CYP27C1: variants seen among roughly 807,000 people sequenced by gnomAD.
CYP27C1 encodes cytochrome P450 27C1.
Under a neutral mutation model 40.6 loss-of-function variants are expected in CYP27C1, and 29 were observed. The ratio of observed to expected loss-of-function variants is 0.71; its 90% CI spans 0.53 to 0.97. CYP27C1 has a LOEUF of 0.97. Among genes scored for constraint, CYP27C1 ranks in the 50% least tolerant of loss-of-function variants. The pLI, the probability that CYP27C1 is intolerant of heterozygous loss-of-function variation, is 0.00. For missense variants in CYP27C1, 390 were observed against 485.8 expected, an observed-to-expected ratio of 0.80 and a Z score of 1.85; for synonymous variants, 198 against 186.8, an observed-to-expected ratio of 1.06 and a Z score of -0.49.
At chr2:127,190,894 C>T (rs1437652353) in intron 8 of CYP27C1, among the ~76,000 whole-genome samples, 3 of 146,934 alleles carry the variant, frequency 2.0e-5, no homozygotes, top group Non-Finnish European at 4.5e-5. Flanking sequence ...TGCAGCGACC[C>T]GAGATTGCGC....
chr2:127,207,717 T>G (rs1366534008), intron 1 of CYP27C1, among the ~76,000 whole-genome samples: 1 of 151,868 alleles, frequency 6.6e-6, no homozygotes, highest in Non-Finnish European at 1.5e-5. Context: ...ACAGGAGAAG[T>G]GTAAAACCTA....
chr2:127,213,588 G>A (rs1179550461), intron 1 of CYP27C1, among the ~76,000 whole-genome samples: 2 of 152,140 alleles, frequency 1.3e-5, no homozygotes, highest in Non-Finnish European at 2.9e-5. Context: ...TTCAGTATAT[G>A]GTGCTGGGAA....
chr2:127,187,747 G>A (rs1682663875), intron 8 of CYP27C1, among the ~76,000 whole-genome samples: 1 of 152,196 alleles, frequency 6.6e-6, no homozygotes, highest in Admixed American at 6.5e-5. Context: ...GGAGCAGGGG[G>A]AAATGCGGAA....
At chr2:127,214,389 A>G (rs1683387515) in intron 1 of CYP27C1, among the ~76,000 whole-genome samples, 1 of 152,190 alleles carries the variant, frequency 6.6e-6, no homozygotes, top group Admixed American at 6.5e-5. Flanking sequence ...CAGCAGCGCT[A>G]TTTACAGTAG....
chr2:127,202,171 C>T (rs1683049121), intron 3 of CYP27C1, among the ~76,000 whole-genome samples: 1 of 149,526 alleles, frequency 6.7e-6, no homozygotes, highest in African/African-American at 2.5e-5. Flanking sequence ...GTCACCCATG[C>T]TGGAGTACAA....
intron 8 of CYP27C1, among the ~76,000 whole-genome samples, chr2:127,190,144 T>C (rs1384317154): frequency 6.6e-6 from 1 of 152,190 alleles, no homozygotes; most frequent in Non-Finnish European, 1.5e-5. Flanking sequence ...ATATCTTAGG[T>C]CTGTTCTCTT....
chr2:127,204,440 A>AAAAAAGAAAGAAAG (rs1268658274), intron 2 of CYP27C1, among the ~76,000 whole-genome samples: 1 of 41,284 alleles, frequency 2.4e-5, no homozygotes, highest in African/African-American at 7.7e-5. Context: ...GAAAGAAAGA[A>AAAAAAGAAAGAAAG]AAAGAAAGAA....
rs1015338845 is a variant in CYP27C1, at chr2:127,220,238, C to T, written c.33G>A (p.Gly11=). MALLARILRA[G]LRPAPERGGL... ...CACCCCGCTCGGGCGCCGGCCGCAG[C>T]CCGGCTCTCAGGATCCGCGCCAGCA... The change falls in exon 1 of 9, where the codon GGG becomes GGA. Residue 11 remains glycine (G), a synonymous_variant. Transcript: ENST00000664447. This position sits in a 1 kb window ranked among gnomAD's most constrained non-coding sequence, Gnocchi z 4.6. 4.0e-5 allele frequency among the ~76,000 whole-genome samples: 6 copies of T among 151,530 alleles called. No homozygotes were observed. Among genetic ancestry groups the T allele is most frequent in the African/African-American group, 1.5e-4 (6 of 41,368 alleles).
chr2:127,203,345 C>T, intron 3 of CYP27C1, 27 bp downstream of exon 3: 1 of 1,605,776 alleles, frequency 6.2e-7, no homozygotes, highest in Non-Finnish European at 8.5e-7. Context: ...ATTCTTCCCT[C>T]CTTCCCACCT....
chr2:127,199,498 G>A lies in CYP27C1; in HGVS notation c.925C>T (p.Gln309Ter), dbSNP rs753282445. 6.2e-7 allele frequency: 1 copy of A among 1,614,158 alleles called. No homozygotes were observed. Residue 309 changes from glutamine to a stop codon, truncating the protein, a stop_gained, in exon 5 of 9, where the codon CAA becomes TAA. Transcript: ENST00000664447. LOFTEE classifies it high-confidence loss of function. Reference sequence around the variant, plus strand: ...CTCACCCTCCGGCCTCGGTCCATTTGGTACTGTATGTCCCTCAACTTGTTG... The same window carrying A: ...CTCACCCTCCGGCCTCGGTCCATTTAGTACTGTATGTCCCTCAACTTGTTG... ...VDNKLRDIQY[Q>*]MDRGRRVSGG...
At chr2:127,192,076 C>T (rs1682788637) in intron 8 of CYP27C1, among the ~76,000 whole-genome samples, 1 of 152,236 alleles carries the variant, frequency 6.6e-6, no homozygotes, top group Admixed American at 6.5e-5. Flanking sequence ...TGGTCCCTTA[C>T]TCTCCCTTCT....
rs1359497775 is a variant in CYP27C1 at position 127,184,023 on chromosome 2, G to A, written c.*3248C>T. 6.6e-6 allele frequency: 1 copy of A among 152,270 alleles called. No homozygotes were observed. Among genetic ancestry groups the A allele is most frequent in the African/African-American group, 2.4e-5 (1 of 41,400 alleles). The allele number at this position is 152,270 out of a possible 1,614,324, so 9.4% of individuals were successfully genotyped here. On this transcript the variant is annotated 3_prime_UTR_variant, in exon 9 of 9. Transcript: ENST00000664447. The stretch of plus-strand genomic sequence containing the variant: ...CAATACCCACCTCCTGCAGCAAGCT[G>A]GGTTATTTTAAAGCAAATCCAAGAT...
intron 2 of CYP27C1, among the ~76,000 whole-genome samples, chr2:127,204,591 AAG>A (rs1573902163): frequency 1.0e-5 from 1 of 96,064 alleles, no homozygotes; most frequent in East Asian, 3.7e-4. Context: ...GAAAGAAAGA[AAG>A]AAAGAAAGAA....
chr2:127,217,527 A>C (rs1330746328), intron 1 of CYP27C1, among the ~76,000 whole-genome samples: 3 of 152,292 alleles, frequency 2.0e-5, no homozygotes, highest in Non-Finnish European at 4.4e-5. Flanking sequence ...GTGCAGAGAG[A>C]ATGAGTGACT....
chr2:127,211,147 TAACA>T (rs1683327214), intron 1 of CYP27C1, among the ~76,000 whole-genome samples: 1 of 152,142 alleles, frequency 6.6e-6, no homozygotes, highest in African/African-American at 2.4e-5. Context: ...ACTGAAATCA[TAACA>T]AACAGTCTCT....
intron 2 of CYP27C1, chr2:127,205,692 C>T (rs75071675): frequency 1.6e-5 from 16 of 985,518 alleles, no homozygotes; most frequent in Non-Finnish European, 1.8e-5. Flanking sequence ...TGGCTCCTGA[C>T]GGGACAACTC....
At chr2:127,194,059 C>T (rs1013222061) in intron 6 of CYP27C1, among the ~76,000 whole-genome samples, 192 bp from the exon 7 acceptor site, 1 of 152,186 alleles carries the variant, frequency 6.6e-6, no homozygotes, top group African/African-American at 2.4e-5. Flanking sequence ...AGCGAGTATT[C>T]TGAGGAATGT....
chr2:127,204,557 GAAAGAA>G (rs1451206646), intron 2 of CYP27C1, among the ~76,000 whole-genome samples: 135 of 40,608 alleles, frequency 3.3e-3, no homozygotes, highest in South Asian at 6.3e-3. Context: ...GAGAGAGAGA[GAAAGAA>G]AGAAAGAAAG....
chr2:127,216,525 G>T lies in CYP27C1; in HGVS notation c.282+3464C>A, dbSNP rs139642134. On this transcript the variant is annotated intron_variant, in intron 1 of 8. Coordinates refer to ENST00000664447, the MANE Select transcript of CYP27C1 (RefSeq NM_001367502.1). ...AATCTATAGATACAGAAAGTAGCTT[G>T]GTGGTTGCTTAAAGCAGGGGGAATA... Among the ~76,000 whole-genome samples the T allele has an allele frequency of 1.8e-3, 270 of 152,316 alleles. 1 individual carries two copies. The highest frequency in any genetic ancestry group is 6.2e-3 in the African/African-American group (256 of 41,574).
Sources: gnomAD v4.1 joint callset for allele counts (sites outside exome capture counted in the v4.1 genomes callset) on GRCh38, gnomAD v4.1.1 for gene constraint, Gnocchi (gnomAD v3.1) non-coding constraint, MANE v1.5 for transcripts, NCBI Gene and HGNC (gene_info 2026-07-23, HGNC 2026-07-21) for gene names.